Variants in FRMPD4 observed in about 807,000 individuals in gnomAD.
FRMPD4 encodes the protein FERM and PDZ domain containing 4, also known as FERM and PDZ domain-containing protein 4.
A neutral mutation model predicts 94.1 loss-of-function variants in FRMPD4; 22 were observed. The ratio of observed to expected loss-of-function variants is 0.23; its 90% CI spans 0.17 to 0.33. The LOEUF (loss-of-function observed/expected upper bound fraction) is 0.33, where lower values mean the gene tolerates loss of function less well. FRMPD4 is among the 10% of genes least tolerant of loss of function. The pLI is 1.00. For synonymous variants in FRMPD4, 631 were observed against 548.6 expected, an observed-to-expected ratio of 1.15 and a Z score of -2.10; for missense variants, 1,111 against 1,339.9, an observed-to-expected ratio of 0.83 and a Z score of 2.67.
chrX:12,698,823 C>T (rs998550691), intron 9 of FRMPD4, among the ~76,000 whole-genome samples: 5 of 111,170 alleles, frequency 4.5e-5, no homozygotes, highest in African/African-American at 1.6e-4. Flanking sequence ...AAGTATCTTC[C>T]ATTTCATGAA....
At chrX:12,231,692 G>A (rs908750949) in intron 1 of FRMPD4, among the ~76,000 whole-genome samples, 4 of 111,666 alleles carry the variant, frequency 3.6e-5, no homozygotes, top group Admixed American at 1.9e-4. Context: ...GGAATACTGC[G>A]ATTCTGTGTG....
Position 12,706,912 on chromosome X carries a change from A to C in FRMPD4, c.1284A>C (p.Leu428Phe). ...LYGGRVFKAT[L>F]VQAEKRSEVT... Reference sequence around the variant, plus strand: ...GGGGCCGTGTGTTCAAGGCAACATTAGTGGTAATTTCTTTTTTTTTTTTTT... The same window carrying C: ...GGGGCCGTGTGTTCAAGGCAACATTCGTGGTAATTTCTTTTTTTTTTTTTT... Residue 428 changes from leucine to phenylalanine, a missense_variant, in exon 12 of 17, where the codon TTA becomes TTC. By Grantham distance (22) the Leu-to-Phe change is conservative. Transcript: ENST00000675598. 2.8e-6 allele frequency: 2 copies of C among 722,243 alleles called. No individual in the cohort carries two copies. The highest frequency in any genetic ancestry group is 4.1e-6 in the Non-Finnish European group (2 of 481,981). 59.5% of individuals were successfully genotyped at this position (722,243 alleles called of 1,213,427 possible).
At chrX:12,070,834 G>A (rs1339486139) in intron 3 of FRMPD4, among the ~76,000 whole-genome samples, 2 of 112,252 alleles carry the variant, frequency 1.8e-5, no homozygotes, top group East Asian at 5.6e-4. Flanking sequence ...AGCTCCAATT[G>A]AACTAAATCA....
chrX:12,190,234 C>T (rs1010142214), intron 1 of FRMPD4, among the ~76,000 whole-genome samples: 2 of 110,928 alleles, frequency 1.8e-5, no homozygotes, highest in Non-Finnish European at 3.8e-5. Context: ...AAGAGATATC[C>T]CATGTTCTTG....
chrX:12,650,857 A>G (rs1192926902), intron 4 of FRMPD4, among the ~76,000 whole-genome samples: 1 of 113,099 alleles, frequency 8.8e-6, no homozygotes, highest in Non-Finnish European at 1.9e-5. Flanking sequence ...GGAGTGGAAG[A>G]TAGGAATTTA....
intron 3 of FRMPD4, among the ~76,000 whole-genome samples, chrX:12,043,605 G>A (rs966513801): frequency 9.0e-6 from 1 of 110,846 alleles, no homozygotes; most frequent in Admixed American, 9.6e-5. Flanking sequence ...GGGGCCTTTG[G>A]GACCTGTGAA....
chrX:11,848,833 G>T (rs1306550651), intron 1 of FRMPD4, among the ~76,000 whole-genome samples: 2 of 111,557 alleles, frequency 1.8e-5, no homozygotes, highest in Non-Finnish European at 3.8e-5. Flanking sequence ...TATTCAATAT[G>T]TTCTATAGCT....
intron 3 of FRMPD4, among the ~76,000 whole-genome samples, chrX:11,913,886 T>C (rs2147339242): frequency 8.9e-6 from 1 of 112,127 alleles, no homozygotes; most frequent in East Asian, 2.8e-4. Flanking sequence ...GCTCCATGCC[T>C]GGTCAAGTTT....
In FRMPD4 at chrX:12,345,639, A is replaced by G. The variant is rs149382331; in HGVS notation, c.42-153041A>G. 7.1e-3 allele frequency among the ~76,000 whole-genome samples: 792 copies of G among 112,033 alleles called. 7 individuals are homozygous for G. The highest frequency in any genetic ancestry group is 0.025 in the African/African-American group (758 of 30,828). On this transcript the variant is annotated intron_variant, in intron 1 of 16. Transcript: ENST00000675598. Reference sequence around the variant, plus strand: ...AATGGATCAGTCTATATTTTGTGATATGAACACATGATTTGTGGATACTGG... The same window carrying G: ...AATGGATCAGTCTATATTTTGTGATGTGAACACATGATTTGTGGATACTGG...
In FRMPD4 at chrX:12,559,653, GA is replaced by G. The variant is rs3066467; in HGVS notation, c.159-50057del. Among the ~76,000 whole-genome samples, 113 of 95,385 alleles carry G rather than the reference GA, an allele frequency of 1.2e-3. 1 individual carries two copies. Among genetic ancestry groups the G allele is most frequent in the Admixed American group, 0.012 (100 of 8,543 alleles). The allele number at this position is 95,385 out of a possible 115,157, so 82.8% of individuals were successfully genotyped here. A position where few individuals can be genotyped will look rare whatever the true frequency, so the allele number is the denominator to read the frequency against. Reference sequence around the variant, plus strand: ...TGATAGAGTGAGACTCCGTCTCAAGGAAAAAAAAAAACAAAAAAAACTCTTA... The same window carrying G: ...TGATAGAGTGAGACTCCGTCTCAAGGAAAAAAAAAACAAAAAAAACTCTTA... On this transcript the variant is annotated intron_variant, in intron 2 of 16. Coordinates refer to ENST00000675598, the MANE Select transcript of FRMPD4 (RefSeq NM_001368397.1).
At chrX:11,889,866 C>T (rs2053864869) in intron 3 of FRMPD4, among the ~76,000 whole-genome samples, 1 of 112,060 alleles carries the variant, frequency 8.9e-6, no homozygotes, top group Non-Finnish European at 1.9e-5. Flanking sequence ...GCACTCTAGC[C>T]TGAGCTTCTT....
intron 3 of FRMPD4, among the ~76,000 whole-genome samples, chrX:11,878,358 G>A (rs2053796563): frequency 8.9e-6 from 1 of 112,069 alleles, no homozygotes; most frequent in Non-Finnish European, 1.9e-5. Context: ...CATTTCTATG[G>A]TATTATAATA....
chrX:12,010,379 T>G (rs777924898), intron 3 of FRMPD4, among the ~76,000 whole-genome samples: 96 of 112,445 alleles, frequency 8.5e-4, no homozygotes, highest in Non-Finnish European at 1.6e-3. Flanking sequence ...GTTACTGCTC[T>G]ATTTAGGGTA....
At chrX:11,999,919 C>T (rs971791980) in intron 3 of FRMPD4, among the ~76,000 whole-genome samples, 3 of 111,644 alleles carry the variant, frequency 2.7e-5, no homozygotes, top group African/African-American at 6.5e-5. Context: ...GTAGTATAGA[C>T]GAGCCTTTCC....
At position 12,721,807 on chromosome X, in the gene FRMPD4, C is replaced by T. The variant is rs1282185663; in HGVS notation, c.5238C>T (p.Ala1746=). 10 of 751,098 alleles carry T rather than the reference C, an allele frequency of 1.3e-5. No homozygotes were observed. The highest frequency in any genetic ancestry group is 4.6e-5 in the African/African-American group (2 of 43,026). 61.9% of individuals were successfully genotyped at this position (751,098 alleles called of 1,213,427 possible). A position where few individuals can be genotyped will look rare whatever the true frequency, so the allele number is the denominator to read the frequency against. The change falls in exon 17 of 17, where the codon GCC becomes GCT. Residue 1746 remains alanine, a synonymous_variant. Coordinates refer to ENST00000675598, the MANE Select transcript of FRMPD4 (RefSeq NM_001368397.1). The part of the protein sequence containing the change: ...GLSARHSTTM[A]ALVSTLTRSL... The stretch of plus-strand genomic sequence containing the variant: ...CGGCGCGACACTCAACCACCATGGC[C>T]GCTCTCGTAAGCACACTGACACGTT...
intron 1 of FRMPD4, among the ~76,000 whole-genome samples, chrX:12,344,102 A>G (rs1263999644): frequency 8.9e-6 from 1 of 111,831 alleles, no homozygotes; most frequent in Non-Finnish European, 1.9e-5. Context: ...TTCACTCTCA[A>G]GTCCCTTAGT....
chrX:12,352,609 C>A (rs765121739), intron 1 of FRMPD4, among the ~76,000 whole-genome samples: 1 of 112,065 alleles, frequency 8.9e-6, no homozygotes, highest in African/African-American at 3.2e-5. Flanking sequence ...GATGAGTACA[C>A]AGGGGTCTAC....
At chrX:12,579,354 T>C in intron 2 of FRMPD4, among the ~76,000 whole-genome samples, 1 of 112,638 alleles carries the variant, frequency 8.9e-6, no homozygotes, top group Middle Eastern at 4.6e-3. Context: ...GTTTTCTTAA[T>C]TGGATTAGAC....
chrX:12,705,878 T>G, intron 11 of FRMPD4, among the ~76,000 whole-genome samples: 1 of 112,434 alleles, frequency 8.9e-6, no homozygotes, highest in Non-Finnish European at 1.9e-5. Flanking sequence ...TGCTTTGCAT[T>G]TTTGAAAGAA....
Sources: gnomAD v4.1 joint callset for allele counts (sites outside exome capture counted in the v4.1 genomes callset) on GRCh38, gnomAD v4.1.1 for gene constraint, MANE v1.5 for transcripts, NCBI Gene and HGNC (gene_info 2026-07-23, HGNC 2026-07-21) for gene names.